Variants in KLF3 observed in about 807,000 individuals in gnomAD.
The protein encoded by KLF3 is KLF transcription factor 3, also known as Krueppel-like factor 3.
KLF3 carries 6 observed loss-of-function variants against 32.7 expected under a neutral mutation model. The ratio of observed to expected loss-of-function variants is 0.18; its 90% CI spans 0.10 to 0.36. The LOEUF is 0.36. KLF3 is among the 10% of genes least tolerant of loss of function. The probability of loss-of-function intolerance (pLI) is 1.00; values close to 1 mark genes in which losing one functional copy is unlikely to be tolerated. For missense variants in KLF3, 338 were observed against 449.7 expected, an observed-to-expected ratio of 0.75 and a Z score of 2.25; for synonymous variants, 145 against 172.8, an observed-to-expected ratio of 0.84 and a Z score of 1.26.
At chr4:38,677,264 G>C (rs1287365687) in intron 1 of KLF3, among the ~76,000 whole-genome samples, 1 of 152,084 alleles carries the variant, frequency 6.6e-6, no homozygotes, top group African/African-American at 2.4e-5. Flanking sequence ...CCCAGTCAGT[G>C]CCAGCGTTTT....
At chr4:38,685,048 T>A (rs549960974) in intron 2 of KLF3, among the ~76,000 whole-genome samples, 23 of 152,318 alleles carry the variant, frequency 1.5e-4, no homozygotes, top group Non-Finnish European at 4.4e-5. Context: ...TCAACATTTG[T>A]CTCTGATTTG....
intron 2 of KLF3, among the ~76,000 whole-genome samples, chr4:38,686,972 G>C (rs1287333861): frequency 1.1e-4 from 17 of 152,108 alleles, no homozygotes; most frequent in Admixed American, 1.1e-3. Flanking sequence ...AGAGGAAAGA[G>C]GGTGATCTCA....
In KLF3 at chr4:38,688,456, C is replaced by T. The variant is rs547764481; in HGVS notation, c.58-129C>T. 4 of 932,532 alleles carry T rather than the reference C, an allele frequency of 4.3e-6. No individual in the cohort carries two copies. Among genetic ancestry groups the T allele is most frequent in the Admixed American group, 5.0e-5 (2 of 39,714 alleles). The allele number at this position is 932,532 out of a possible 1,614,324, so 57.8% of individuals were successfully genotyped here. A position where few individuals can be genotyped will look rare whatever the true frequency, so the allele number is the denominator to read the frequency against. ...CATTTTTTTAAGGTCACATATATATCGAAATCTAAACTATTTTGTAAAGCC... is the reference window on the plus strand; with the variant it reads ...CATTTTTTTAAGGTCACATATATATTGAAATCTAAACTATTTTGTAAAGCC... On this transcript the variant is annotated intron_variant, in intron 2 of 5. Transcript: ENST00000261438. This position sits in a 1 kb window ranked among gnomAD's most constrained non-coding sequence, Gnocchi z 4.9.
chr4:38,695,020 C>T (rs1243546610), intron 5 of KLF3, 114 bp downstream of exon 5: 2 of 895,854 alleles, frequency 2.2e-6, no homozygotes, highest in African/African-American at 3.5e-5. Flanking sequence ...ACAGTCATCT[C>T]CAGATGTGTC....
rs1722788371 is a variant in KLF3, at chr4:38,688,929, T to C, written c.402T>C (p.His134=). Residue 134 remains histidine, a synonymous_variant, in exon 3 of 6, where the codon CAT becomes CAC. Coordinates refer to ENST00000261438, the MANE Select transcript of KLF3 (RefSeq NM_016531.6). The surrounding 1 kb of genome is among the most constrained non-coding windows in gnomAD (Gnocchi z 4.9). ...PPVMAAALSR[H]GIRSPGILPV... is the part of the protein sequence containing the mutation. Reference sequence around the variant, plus strand: ...TGATGGCAGCTGCCCTCTCGCGGCATGGAATACGGAGCCCGGGGATCCTGC... The same window carrying C: ...TGATGGCAGCTGCCCTCTCGCGGCACGGAATACGGAGCCCGGGGATCCTGC... The C allele has an allele frequency of 6.2e-7, 1 of 1,614,218 alleles. No individual in the cohort carries two copies. Among genetic ancestry groups the C allele is most frequent in the African/African-American group, 1.3e-5 (1 of 75,064 alleles).
intron 1 of KLF3, among the ~76,000 whole-genome samples, chr4:38,673,436 G>A (rs143885261): frequency 1.3e-5 from 2 of 152,380 alleles, no homozygotes; most frequent in African/African-American, 4.8e-5. Context: ...GGAGAATTGT[G>A]AGGGCTTAGG....
At chr4:38,685,553 A>C (rs966383001) in intron 2 of KLF3, among the ~76,000 whole-genome samples, 6 of 152,014 alleles carry the variant, frequency 3.9e-5, no homozygotes, top group Non-Finnish European at 4.4e-5. Flanking sequence ...CTAAATTCCT[A>C]CTCTCCCAAA....
chr4:38,690,457 C>G (rs1455548213), intron 4 of KLF3: 1 of 152,258 alleles, frequency 6.6e-6, no homozygotes, highest in Non-Finnish European at 1.5e-5. Flanking sequence ...TTGACCTCCA[C>G]CAGTGATTAC....
chr4:38,666,376 TC>T (rs1722041298), intron 1 of KLF3, among the ~76,000 whole-genome samples: 1 of 151,976 alleles, frequency 6.6e-6, no homozygotes, highest in Non-Finnish European at 1.5e-5. Flanking sequence ...GCTCTTTTTT[TC>T]CTTTTTTTTT....
intron 1 of KLF3, among the ~76,000 whole-genome samples, chr4:38,670,222 C>T (rs765991986): frequency 2.0e-5 from 3 of 152,198 alleles, no homozygotes; most frequent in Non-Finnish European, 4.4e-5. Context: ...GGGTCTGGCT[C>T]TTACCCTGTT....
chr4:38,692,414 A>T (rs1722901247), intron 4 of KLF3, among the ~76,000 whole-genome samples: 2 of 152,234 alleles, frequency 1.3e-5, no homozygotes, highest in Non-Finnish European at 1.5e-5. Flanking sequence ...GTTTGGGGAC[A>T]TCCTCAAAAA....
At chr4:38,695,486 C>T (rs1723022936) in intron 5 of KLF3, among the ~76,000 whole-genome samples, 1 of 152,152 alleles carries the variant, frequency 6.6e-6, no homozygotes. Flanking sequence ...GCAGCCAGAT[C>T]ATATAAAAGT....
In KLF3 at chr4:38,697,194, G is replaced by T. The variant is rs770157784; in HGVS notation, c.969G>T (p.Pro323=). Reference sequence around the variant, plus strand: ...CTGGAATCAAACCTTTCCAGTGCCCGGACTGTGACCGCAGCTTCTCCCGTT... The same window carrying T: ...CTGGAATCAAACCTTTCCAGTGCCCTGACTGTGACCGCAGCTTCTCCCGTT... ...KHTGIKPFQC[P]DCDRSFSRSD... Residue 323 remains proline, a synonymous_variant, in exon 6 of 6, where the codon CCG becomes CCT. Transcript: ENST00000261438. 1.2e-6 allele frequency: 2 copies of T among 1,613,904 alleles called. No individual in the cohort carries two copies. Among genetic ancestry groups the T allele is most frequent in the Non-Finnish European group, 1.7e-6 (2 of 1,179,974 alleles).
chr4:38,687,108 G>C (rs1320854541), intron 2 of KLF3, among the ~76,000 whole-genome samples: 1 of 152,190 alleles, frequency 6.6e-6, no homozygotes, highest in Non-Finnish European at 1.5e-5. Flanking sequence ...GGCACCATTG[G>C]GTTTTCTTGG....
intron 3 of KLF3, 113 bp downstream of exon 3, chr4:38,689,184 A>G: frequency 7.6e-7 from 1 of 1,317,466 alleles, no homozygotes; most frequent in Non-Finnish European, 1.0e-6. Context: ...TTCAAAGGAA[A>G]TACTCATCTG....
intron 1 of KLF3, among the ~76,000 whole-genome samples, chr4:38,667,394 C>T (rs895529819): frequency 2.0e-5 from 3 of 152,182 alleles, no homozygotes; most frequent in African/African-American, 4.8e-5. Flanking sequence ...CCCTAAACTC[C>T]GTATCCCCAC....
At chr4:38,681,731 T>A (rs919956206) in intron 2 of KLF3, among the ~76,000 whole-genome samples, 1 of 152,202 alleles carries the variant, frequency 6.6e-6, no homozygotes, top group Non-Finnish European at 1.5e-5. Flanking sequence ...TTCCACGGGC[T>A]TGGAAAATAT....
chr4:38,664,957 C>G (rs1198361196), intron 1 of KLF3: 1 of 147,882 alleles, frequency 6.8e-6, no homozygotes, highest in African/African-American at 2.5e-5. Context: ...CACCACAACC[C>G]AGGCTCCCGC....
intron 1 of KLF3, among the ~76,000 whole-genome samples, chr4:38,677,878 A>AGTGTGTAT (rs1553893517): frequency 2.1e-5 from 3 of 146,214 alleles, no homozygotes; most frequent in Non-Finnish European, 4.5e-5. Flanking sequence ...GGGCAAAAGG[A>AGTGTGTAT]GTGTGTGTGT....
Sources: allele counts gnomAD v4.1 joint callset (sites outside exome capture counted in the v4.1 genomes callset), GRCh38; gene constraint gnomAD v4.1.1; non-coding constraint Gnocchi (gnomAD v3.1); transcripts MANE v1.5; gene names NCBI Gene and HGNC (gene_info 2026-07-23, HGNC 2026-07-21).